SMOC2: variants seen among roughly 807,000 people sequenced by gnomAD.
The protein encoded by SMOC2 is SPARC related modular calcium binding 2.
In SMOC2, 39 loss-of-function variants were observed where a neutral mutation model predicts 61.4. The observed-to-expected ratio is 0.64, with a 90% CI of 0.49 to 0.83. The LOEUF (loss-of-function observed/expected upper bound fraction) is 0.83, where lower values mean the gene tolerates loss of function less well. SMOC2 is among the 40% of genes least tolerant of loss of function. The pLI is 0.00. For synonymous variants in SMOC2, 247 were observed against 239.9 expected (o/e 1.03, Z -0.27); for missense variants, 556 against 592.9 (o/e 0.94, Z 0.65).
At chr6:168,445,167 GCCATTATTTTTCTTT>G (rs1265554136) in intron 1 of SMOC2, among the ~76,000 whole-genome samples, 1 of 152,194 alleles carries the variant, frequency 6.6e-6, no homozygotes, top group East Asian at 1.9e-4. Context: ...AAGTCATCCT[GCCATTATTTTTCTTT>G]CTTCGTGGGA....
chr6:168,657,668 G>A lies in SMOC2; in HGVS notation c.1285+4440G>A, dbSNP rs79838641. On this transcript the variant is annotated intron_variant, in intron 11 of 12. Transcript: ENST00000356284. ...GATGGGATACCTTATGAACACAAAC[G>A]TATTAGCTTATGGGTCTAGAGGCTG... 4.1e-3 allele frequency among the ~76,000 whole-genome samples: 622 copies of A among 152,214 alleles called. 19 individuals carry two copies. In the East Asian group the frequency reaches 0.062, roughly 15 times the overall value.
At chr6:168,560,467 A>T (rs1562348025) in intron 7 of SMOC2, among the ~76,000 whole-genome samples, 2 of 152,176 alleles carry the variant, frequency 1.3e-5, no homozygotes, top group Admixed American at 1.3e-4. Flanking sequence ...ACTGAAGAAG[A>T]ATGCGTCCTC....
chr6:168,553,389 A>T lies in SMOC2; in HGVS notation c.637+4186A>T, dbSNP rs559008457. On this transcript the variant is annotated intron_variant, in intron 7 of 12. Coordinates refer to ENST00000356284, the MANE Select transcript of SMOC2 (RefSeq NM_001166412.2). The surrounding 1 kb of genome is among the most constrained non-coding windows in gnomAD (Gnocchi z 4.2). ...TAAACTAGTTACAAGATTTTATCAG[A>T]TAAGACATTTTGTAAGATACAGTCT... 6.6e-6 allele frequency among the ~76,000 whole-genome samples: 1 copy of T among 152,228 alleles called. No homozygotes were observed. The highest frequency in any genetic ancestry group is 1.5e-5 in the Non-Finnish European group (1 of 68,046).
chr6:168,478,914 A>G (rs1393802759), intron 1 of SMOC2, among the ~76,000 whole-genome samples: 1 of 151,574 alleles, frequency 6.6e-6, no homozygotes, highest in East Asian at 1.9e-4. Flanking sequence ...GGTCTAGAAC[A>G]GCCCTGGTTT....
intron 4 of SMOC2, among the ~76,000 whole-genome samples, chr6:168,532,718 G>A (rs1215369091): frequency 6.6e-6 from 1 of 152,182 alleles, no homozygotes; most frequent in African/African-American, 2.4e-5. Context: ...CTTGGTTGGA[G>A]TTACGTGTTT....
intron 9 of SMOC2, among the ~76,000 whole-genome samples, chr6:168,650,179 AG>A (rs1787155440): frequency 6.6e-6 from 1 of 152,156 alleles, no homozygotes; most frequent in Non-Finnish European, 1.5e-5. Context: ...GGTGTGGACA[AG>A]TCCCCAGGAG....
intron 1 of SMOC2, among the ~76,000 whole-genome samples, chr6:168,443,541 C>G (rs1219784350): frequency 6.6e-6 from 1 of 152,184 alleles, no homozygotes; most frequent in Non-Finnish European, 1.5e-5. Context: ...AGCCATAACA[C>G]ATTTTGGCAC....
chr6:168,491,495 A>G (rs1459202592), intron 1 of SMOC2, among the ~76,000 whole-genome samples: 2 of 152,192 alleles, frequency 1.3e-5, no homozygotes, highest in African/African-American at 4.8e-5. Context: ...CCCATGGAGC[A>G]TCTTTTAAAA....
intron 1 of SMOC2, among the ~76,000 whole-genome samples, chr6:168,482,698 A>G (rs983637592): frequency 1.3e-5 from 2 of 152,100 alleles, no homozygotes; most frequent in Non-Finnish European, 1.5e-5. Context: ...TAAAAGGAAT[A>G]TACACCATGA....
At chr6:168,600,523 A>T (rs990591726) in intron 8 of SMOC2, among the ~76,000 whole-genome samples, 18 of 151,920 alleles carry the variant, frequency 1.2e-4, no homozygotes, top group Non-Finnish European at 2.9e-5. Context: ...GCAGCTGGGA[A>T]GCAGCAGTAG....
At chr6:168,626,039 TAA>T (rs1436996481) in intron 9 of SMOC2, among the ~76,000 whole-genome samples, 3 of 152,212 alleles carry the variant, frequency 2.0e-5, no homozygotes, top group Non-Finnish European at 4.4e-5. Flanking sequence ...CTAAGAAAGC[TAA>T]GAGGCCAGCA....
chr6:168,511,868 A>G (rs1176642687), intron 2 of SMOC2, among the ~76,000 whole-genome samples: 3 of 135,104 alleles, frequency 2.2e-5, no homozygotes, highest in Non-Finnish European at 4.7e-5. Flanking sequence ...GTATTTCAGG[A>G]TGCAGCATTT....
intron 11 of SMOC2, among the ~76,000 whole-genome samples, chr6:168,659,470 TTGG>T: frequency 6.6e-6 from 1 of 151,600 alleles, no homozygotes; most frequent in African/African-American, 2.4e-5. Context: ...GTGGAGGTTG[TTGG>T]CTGGTTGAGG....
At chr6:168,617,383 G>A (rs962067338) in intron 9 of SMOC2, among the ~76,000 whole-genome samples, 5 of 152,152 alleles carry the variant, frequency 3.3e-5, no homozygotes, top group African/African-American at 9.7e-5. Context: ...GTTTCTCACC[G>A]ACGTGGCTGA....
intron 7 of SMOC2, among the ~76,000 whole-genome samples, chr6:168,591,286 C>G (rs1197581450): frequency 6.6e-6 from 1 of 152,214 alleles, no homozygotes; most frequent in Non-Finnish European, 1.5e-5. Context: ...CAGCAGAAAG[C>G]TGTCAGAGAA....
intron 9 of SMOC2, among the ~76,000 whole-genome samples, chr6:168,649,921 A>G (rs1218664069): frequency 6.6e-6 from 1 of 152,126 alleles, no homozygotes; most frequent in African/African-American, 2.4e-5. Context: ...ACCCCAGAGA[A>G]AGTGGATGGC....
chr6:168,490,278 CA>C lies in SMOC2; in HGVS notation c.85-19634del. Among the ~76,000 whole-genome samples, 5 of 152,126 alleles carry C rather than the reference CA, an allele frequency of 3.3e-5. No homozygotes were observed. In the East Asian group the frequency reaches 9.7e-4, roughly 29 times the overall value. ...CACACTGTTTTAGAATGAAATATATCAAATCGTCTGGGTCCCCTTGGATCAC... is the reference window on the plus strand; with the variant it reads ...CACACTGTTTTAGAATGAAATATATCAATCGTCTGGGTCCCCTTGGATCAC... On this transcript the variant is annotated intron_variant, in intron 1 of 12. Coordinates refer to ENST00000356284, the MANE Select transcript of SMOC2 (RefSeq NM_001166412.2).
At chr6:168,499,768 C>T (rs1054726996) in intron 1 of SMOC2, among the ~76,000 whole-genome samples, 5 of 152,144 alleles carry the variant, frequency 3.3e-5, no homozygotes, top group Non-Finnish European at 7.3e-5. Context: ...TTTTTTTAAC[C>T]AGAACCAATA....
chr6:168,539,143 A>G (rs531562904), intron 4 of SMOC2, among the ~76,000 whole-genome samples: 2 of 152,282 alleles, frequency 1.3e-5, no homozygotes, highest in East Asian at 3.9e-4. Context: ...CTTCATGCTG[A>G]CTGAAGCATG....
Sources: allele counts gnomAD v4.1 joint callset (sites outside exome capture counted in the v4.1 genomes callset), GRCh38; gene constraint gnomAD v4.1.1; non-coding constraint Gnocchi (gnomAD v3.1); transcripts MANE v1.5; gene names NCBI Gene and HGNC (gene_info 2026-07-23, HGNC 2026-07-21).